The following RNF170 variants were observed in gnomAD, a reference collection of about 807,000 sequenced individuals.
The protein encoded by RNF170 is E3 ubiquitin-protein ligase RNF170.
Under a neutral mutation model 32.7 loss-of-function variants are expected in RNF170, and 12 were observed. The ratio of observed to expected loss-of-function variants is 0.37; its 90% CI spans 0.24 to 0.60. RNF170 has a LOEUF of 0.60. Ranked by LOEUF, RNF170 falls within the 20% of genes least tolerant of loss-of-function variation. The pLI is 0.72. For missense variants in RNF170, 212 were observed against 311.2 expected (o/e 0.68, Z 2.40); for synonymous variants, 91 against 103.6 (o/e 0.88, Z 0.74).
chr8:42,896,059 A>C, intron 1 of RNF170: 1 of 186,226 alleles, frequency 5.4e-6, no homozygotes, highest in Non-Finnish European at 1.1e-5. Context: ...AAAGAGGTGG[A>C]AGCTCCAGAA....
At chr8:42,875,835 A>G (rs1434229668) in intron 2 of RNF170, among the ~76,000 whole-genome samples, 1 of 152,238 alleles carries the variant, frequency 6.6e-6, no homozygotes, top group East Asian at 1.9e-4. Flanking sequence ...ACGGCCTCCC[A>G]AAGTGTGGAG....
rs1803041256 is a variant in RNF170, at chr8:42,853,878, T to C, written c.*2281A>G. 2.3e-6 allele frequency: 3 copies of C among 1,286,824 alleles called. No individual in the cohort carries two copies. The highest frequency in any genetic ancestry group is 3.0e-6 in the Non-Finnish European group (3 of 988,340). 79.7% of individuals were successfully genotyped at this position (1,286,824 alleles called of 1,614,324 possible). On this transcript the variant is annotated 3_prime_UTR_variant, in exon 7 of 7. Transcript: ENST00000527424. The stretch of plus-strand genomic sequence containing the variant: ...TACAAAATTTGGTACAATACACCTC[T>C]TTCAGGAAAGTCTTAGTAGTAACTC...
chr8:42,851,999 AGAAG>A (rs1251533066), downstream of RNF170, among the ~76,000 whole-genome samples: 1 of 152,232 alleles, frequency 6.6e-6, no homozygotes, highest in Non-Finnish European at 1.5e-5. Context: ...TTTAATAAAA[AGAAG>A]GGAGCTATTT....
chr8:42,857,710 G>C (rs1656922863), intron 6 of RNF170, among the ~76,000 whole-genome samples: 1 of 152,146 alleles, frequency 6.6e-6, no homozygotes, highest in South Asian at 2.1e-4. Flanking sequence ...TTGAGTAATA[G>C]TATGCTTCAC....
chr8:42,873,577 C>T (rs963566398), intron 3 of RNF170, among the ~76,000 whole-genome samples: 5 of 152,024 alleles, frequency 3.3e-5, no homozygotes, highest in African/African-American at 1.2e-4. Context: ...AAACAGCCAC[C>T]TCTTCTAGTT....
In RNF170 at chr8:42,855,652, T is replaced by G. The variant is rs1803198112; in HGVS notation, c.*507A>C. ...TTATACCAGAATGAAAAGGCAGAAC[T>G]GCTCCAAATGCACAAAACTTAGCTA... On this transcript the variant is annotated 3_prime_UTR_variant, in exon 7 of 7. Transcript: ENST00000527424. The G allele has an allele frequency of 7.8e-7, 1 of 1,285,212 alleles. No individual in the cohort carries two copies. The highest frequency in any genetic ancestry group is 1.0e-6 in the Non-Finnish European group (1 of 987,260). 79.6% of individuals were successfully genotyped at this position (1,285,212 alleles called of 1,614,324 possible).
Position 42,884,441 on chromosome 8 carries a change from G to A in RNF170, c.137+3287C>T, listed in dbSNP as rs1181958021. ...AATTAAAATTTTAATTCTTTAACAAGACCAAGCCCTCATCACAAAGACAGT... is the reference window on the plus strand; with the variant it reads ...AATTAAAATTTTAATTCTTTAACAAAACCAAGCCCTCATCACAAAGACAGT... On this transcript the variant is annotated intron_variant, in intron 2 of 6. Transcript: ENST00000527424. Among the ~76,000 whole-genome samples the A allele has an allele frequency of 1.3e-5, 2 of 151,726 alleles. 1 individual carries two copies. The highest frequency in any genetic ancestry group is 4.2e-4 in the South Asian group (2 of 4,802).
At chr8:42,886,974 C>T (rs1385988247) in intron 2 of RNF170, among the ~76,000 whole-genome samples, 1 of 151,366 alleles carries the variant, frequency 6.6e-6, no homozygotes, top group African/African-American at 2.4e-5. Context: ...GCCAACCTAG[C>T]GAAATCCTGT....
At position 42,853,697 on chromosome 8, in the gene RNF170, T is replaced by C. The variant is rs1387813179; in HGVS notation, c.*2462A>G. On this transcript the variant is annotated 3_prime_UTR_variant, in exon 7 of 7. Transcript: ENST00000527424. ...ATTACTATGATGTTCAAAACTCTGATTGACTCTACTTGCTTTAAAAACTCT... is the reference window on the plus strand; with the variant it reads ...ATTACTATGATGTTCAAAACTCTGACTGACTCTACTTGCTTTAAAAACTCT... 4.7e-6 allele frequency: 6 copies of C among 1,286,910 alleles called. No individual in the cohort carries two copies. Among genetic ancestry groups the C allele is most frequent in the Non-Finnish European group, 5.1e-6 (5 of 988,638 alleles). The allele number at this position is 1,286,910 out of a possible 1,614,324, so 79.7% of individuals were successfully genotyped here. A position where few individuals can be genotyped will look rare whatever the true frequency, so the allele number is the denominator to read the frequency against.
At chr8:42,893,006 A>G (rs981490091) in intron 1 of RNF170, among the ~76,000 whole-genome samples, 1 of 152,142 alleles carries the variant, frequency 6.6e-6, no homozygotes, top group African/African-American at 2.4e-5. Context: ...CCCAGATTTG[A>G]TCATTACACA....
chr8:42,879,313 T>A (rs759242917), intron 2 of RNF170, among the ~76,000 whole-genome samples: 1 of 152,212 alleles, frequency 6.6e-6, no homozygotes, highest in Non-Finnish European at 1.5e-5. Context: ...GGGGAATCAA[T>A]TGAAACCTTC....
At chr8:42,864,653 A>G (rs1803947056) in intron 5 of RNF170, among the ~76,000 whole-genome samples, 1 of 152,012 alleles carries the variant, frequency 6.6e-6, no homozygotes, top group Non-Finnish European at 1.5e-5. Context: ...GCTAACTGTC[A>G]TGGTCTAAGC....
At chr8:42,869,771 C>G (rs1019860773) in intron 4 of RNF170, among the ~76,000 whole-genome samples, 1 of 152,180 alleles carries the variant, frequency 6.6e-6, no homozygotes, top group African/African-American at 2.4e-5. Flanking sequence ...GTTTCTTTAA[C>G]CTCTGAACCC....
intron 1 of RNF170, among the ~76,000 whole-genome samples, chr8:42,893,647 T>C (rs1806500945): frequency 6.6e-6 from 1 of 152,228 alleles, no homozygotes; most frequent in African/African-American, 2.4e-5. Context: ...GCACATCATA[T>C]AGGCTCTCAG....
At chr8:42,874,401 G>A (rs1200181512) in intron 2 of RNF170, among the ~76,000 whole-genome samples, 1 of 152,090 alleles carries the variant, frequency 6.6e-6, no homozygotes, top group Non-Finnish European at 1.5e-5. Flanking sequence ...CTAATTTTCA[G>A]GTATTAGGGG....
intron 1 of RNF170, among the ~76,000 whole-genome samples, chr8:42,892,667 T>A (rs1191783507): frequency 6.6e-6 from 1 of 151,246 alleles, no homozygotes; most frequent in Non-Finnish European, 1.5e-5. Flanking sequence ...GGAGGCTCTG[T>A]TGCAGCGTTT....
intron 1 of RNF170, among the ~76,000 whole-genome samples, chr8:42,892,892 C>A (rs1284039046): frequency 1.3e-5 from 2 of 152,030 alleles, no homozygotes; most frequent in Non-Finnish European, 2.9e-5. Context: ...GAGGCTGAGG[C>A]ATGAGAATTG....
intron 5 of RNF170, among the ~76,000 whole-genome samples, chr8:42,862,602 A>T (rs1285611111): frequency 2.6e-5 from 4 of 152,194 alleles, no homozygotes; most frequent in African/African-American, 4.8e-5. Context: ...GTTTTAAATC[A>T]TTTAGTTGTT....
At chr8:42,882,279 T>C (rs1252154260) in intron 2 of RNF170, among the ~76,000 whole-genome samples, 1 of 152,204 alleles carries the variant, frequency 6.6e-6, no homozygotes, top group African/African-American at 2.4e-5. Flanking sequence ...TGTACACCAG[T>C]GTTCCTAGCA....
Sources: allele counts gnomAD v4.1 joint callset (sites outside exome capture counted in the v4.1 genomes callset), GRCh38; gene constraint gnomAD v4.1.1; transcripts MANE v1.5; gene names NCBI Gene and HGNC (gene_info 2026-07-23, HGNC 2026-07-21).